SMARCAL1: variants seen among roughly 807,000 people sequenced by gnomAD.
SMARCAL1 encodes the protein ATP-driven annealing helicase.
In SMARCAL1, 58 loss-of-function variants were observed where a neutral mutation model predicts 94.5. The observed-to-expected ratio is 0.61, with a 90% confidence interval of 0.50 to 0.76. The LOEUF (loss-of-function observed/expected upper bound fraction) is 0.76. SMARCAL1 is among the 30% of genes least tolerant of loss of function. The pLI, the probability that SMARCAL1 is intolerant of heterozygous loss-of-function variation, is 0.00. For missense variants in SMARCAL1, 1,051 were observed against 1,177.9 expected (o/e 0.89, Z 1.58); for synonymous variants, 422 against 455.1 (o/e 0.93, Z 0.93).
Position 216,475,336 on chromosome 2 carries a change from T to G in SMARCAL1, c.2312T>G (p.Phe771Cys). 1 of 1,614,170 alleles carries G rather than the reference T, an allele frequency of 6.2e-7. No individual in the cohort carries two copies. The highest frequency in any genetic ancestry group is 8.5e-7 in the Non-Finnish European group (1 of 1,180,014). ...GAGCGGGAGGACCTGTGCCAGCAGT[T>G]CCAACTGTCGGAGAGGCATGCTGTG... ...SAEREDLCQQ[F>C]QLSERHAVAV... The change falls in exon 15 of 18, where the codon TTC becomes TGC. Residue 771 changes from phenylalanine (F) to cysteine (C), a missense_variant. Physicochemically the swap from Phe to Cys is radical, Grantham distance 205 (BLOSUM62 -2). Transcript: ENST00000357276. This position sits in a 1 kb window ranked among gnomAD's most constrained non-coding sequence, Gnocchi z 4.4.
chr2:216,467,958 A>T lies in SMARCAL1; in HGVS notation c.2156A>T (p.Asp719Val), dbSNP rs1396721085. The T allele has an allele frequency of 1.2e-6, 2 of 1,608,454 alleles. No homozygotes were observed. The highest frequency in any genetic ancestry group is 2.2e-5 in the South Asian group (2 of 90,936). ...GTCAAATGCAGTGAATATATCTTGG[A>T]CCTACTGGAAAGTGGAAGAGAGAAG... Reference protein sequence around the residue: ...KIPSVIEYILDLLESGREKFL... With the variant: ...KIPSVIEYILVLLESGREKFL... Residue 719 changes from aspartate (D) to valine (V), a missense_variant, in exon 14 of 18, where the codon GAC becomes GTC. Around this residue, in one of 3 missense-constraint regions of SMARCAL1, gnomAD observed 642 missense variants for 754.7 expected, o/e 0.85. Coordinates refer to ENST00000357276, the MANE Select transcript of SMARCAL1 (RefSeq NM_014140.4).
intron 10 of SMARCAL1, chr2:216,446,563 T>C (rs1235308427): frequency 2.5e-6 from 1 of 401,754 alleles, no homozygotes; most frequent in Non-Finnish European, 5.1e-6. Context: ...AGTTCAGACC[T>C]GCCACTGTCT....
At chr2:216,428,945 G>A (rs891856852) in intron 7 of SMARCAL1, among the ~76,000 whole-genome samples, 163 bp downstream of exon 7, 1 of 152,220 alleles carries the variant, frequency 6.6e-6, no homozygotes, top group Non-Finnish European at 1.5e-5. Flanking sequence ...TGTTACCAAA[G>A]CTTTATTGTA....
chr2:216,431,286 C>G (rs1358347767), intron 7 of SMARCAL1, among the ~76,000 whole-genome samples: 2 of 152,258 alleles, frequency 1.3e-5, no homozygotes, highest in African/African-American at 4.8e-5. Flanking sequence ...GTGACATTCT[C>G]TGTTTTCACT....
rs544753027 is a variant in SMARCAL1, at chr2:216,475,180, G to A, written c.2245-89G>A. 257 of 1,362,600 alleles carry A rather than the reference G, an allele frequency of 1.9e-4. No individual in the cohort carries two copies. The highest frequency in any genetic ancestry group is 2.5e-4 in the Non-Finnish European group (237 of 960,000). The allele number at this position is 1,362,600 out of a possible 1,614,324, so 84.4% of individuals were successfully genotyped here. A position where few individuals can be genotyped will look rare whatever the true frequency, so the allele number is the denominator to read the frequency against. ...AGGGGCCTCTGCTGAGCTGGAACCTGGTTCTGTGCTGGAGCTGTGGCTGGG... is the reference window on the plus strand; with the variant it reads ...AGGGGCCTCTGCTGAGCTGGAACCTAGTTCTGTGCTGGAGCTGTGGCTGGG... On this transcript the variant is annotated intron_variant, in intron 14 of 17. Transcript: ENST00000357276. This position sits in a 1 kb window ranked among gnomAD's most constrained non-coding sequence, Gnocchi z 4.4.
chr2:216,474,326 G>C (rs1475296881), intron 14 of SMARCAL1, among the ~76,000 whole-genome samples: 2 of 148,664 alleles, frequency 1.3e-5, no homozygotes, highest in African/African-American at 4.9e-5. Context: ...TTTTAGTAGA[G>C]GCGGGGTTCC....
intron 1 of SMARCAL1, among the ~76,000 whole-genome samples, chr2:216,413,346 C>T (rs778262337): frequency 6.6e-6 from 1 of 152,082 alleles, no homozygotes; most frequent in Non-Finnish European, 1.5e-5. Context: ...GTGTCCTGCC[C>T]GCTGCTTCTA....
intron 14 of SMARCAL1, among the ~76,000 whole-genome samples, chr2:216,474,128 C>CTTTTTTTTTTTTTTTTTTTTTTTTTTTT (rs1182416023): frequency 1.5e-5 from 1 of 64,894 alleles, no homozygotes; most frequent in African/African-American, 5.8e-5. Context: ...GTATAGCATT[C>CTTTTTTTTTTTTTTTTTTTTTTTTTTTT]TTTTTTTTTT....
intron 5 of SMARCAL1, 114 bp from the exon 6 acceptor site, chr2:216,423,519 C>T: frequency 1.1e-6 from 1 of 880,018 alleles, no homozygotes; most frequent in Non-Finnish European, 1.9e-6. Context: ...GACCAGCTGC[C>T]ACATTGTCTA....
chr2:216,469,229 G>C (rs72948666), intron 14 of SMARCAL1, among the ~76,000 whole-genome samples: 2 of 150,300 alleles, frequency 1.3e-5, no homozygotes, highest in African/African-American at 4.9e-5. Context: ...TGACAGCACG[G>C]TGTAATTATC....
chr2:216,416,023 C>G (rs982180722), intron 3 of SMARCAL1: 4 of 491,854 alleles, frequency 8.1e-6, no homozygotes, highest in African/African-American at 7.8e-5. Context: ...GCCCTCAGTC[C>G]TCTTAGGTGA....
rs775747796 is a variant in SMARCAL1, at chr2:216,420,492, C to A, written c.1056C>A (p.Asp352Glu). ...YFEADISYSQ[D>E]LIALFKQMDS... ...AGGCAGACATCAGTTATTCACAGGA[C>A]CTTATTGCGCTTTTTAAACAGATGG... The change falls in exon 5 of 18, where the codon GAC becomes GAA. Residue 352 changes from aspartate to glutamate, a missense_variant. Transcript: ENST00000357276. 1 of 1,614,130 alleles carries A rather than the reference C, an allele frequency of 6.2e-7. No homozygotes were observed. The highest frequency in any genetic ancestry group is 1.1e-5 in the South Asian group (1 of 91,084).
At chr2:216,481,358 C>A (rs1695194317) in intron 17 of SMARCAL1, among the ~76,000 whole-genome samples, 1 of 151,784 alleles carries the variant, frequency 6.6e-6, no homozygotes, top group Non-Finnish European at 1.5e-5. Context: ...CAACACCCGG[C>A]CAATTTTCTG....
chr2:216,454,749 T>C (rs903324934), intron 12 of SMARCAL1, among the ~76,000 whole-genome samples: 1 of 152,176 alleles, frequency 6.6e-6, no homozygotes, highest in African/African-American at 2.4e-5. Flanking sequence ...TAGGAACAGC[T>C]CCAGTCTACA....
At chr2:216,421,607 A>G (rs977074278) in intron 5 of SMARCAL1, among the ~76,000 whole-genome samples, 1 of 152,254 alleles carries the variant, frequency 6.6e-6, no homozygotes, top group South Asian at 2.1e-4. Flanking sequence ...TTAGTTTTTC[A>G]TGAGGTTCTT....
chr2:216,429,355 G>A (rs910894689), intron 7 of SMARCAL1, among the ~76,000 whole-genome samples: 1 of 152,212 alleles, frequency 6.6e-6, no homozygotes, highest in African/African-American at 2.4e-5. Context: ...GAACCAGAGG[G>A]TAAGGCCTGC....
chr2:216,480,383 A>G (rs898550906), intron 17 of SMARCAL1, among the ~76,000 whole-genome samples: 1 of 152,254 alleles, frequency 6.6e-6, no homozygotes, highest in African/African-American at 2.4e-5. Flanking sequence ...ACTCGCTTCC[A>G]ATTAATTATG....
At chr2:216,413,289 ACATTAGATG>A (rs1378346544) in intron 1 of SMARCAL1, among the ~76,000 whole-genome samples, 1 of 152,230 alleles carries the variant, frequency 6.6e-6, no homozygotes, top group Non-Finnish European at 1.5e-5. Flanking sequence ...ACACAGCATT[ACATTAGATG>A]CAGCCTATTT....
intron 4 of SMARCAL1, 45 bp from the exon 5 acceptor site, chr2:216,420,254 A>C (rs748488124): frequency 6.7e-7 from 1 of 1,496,756 alleles, no homozygotes; most frequent in Non-Finnish European, 9.2e-7. Context: ...GCCACATCAT[A>C]GTCCCCTGCT....
Sources: allele counts gnomAD v4.1 joint callset (sites outside exome capture counted in the v4.1 genomes callset), GRCh38; gene constraint gnomAD v4.1.1; regional missense constraint gnomAD v4.1.1; non-coding constraint Gnocchi (gnomAD v3.1); transcripts MANE v1.5; gene names NCBI Gene and HGNC (gene_info 2026-07-23, HGNC 2026-07-21).